SGCD: variants seen among roughly 807,000 people sequenced by gnomAD.
SGCD encodes delta-sarcoglycan.
Under a neutral mutation model 36.6 loss-of-function variants are expected in SGCD, and 18 were observed. The observed-to-expected ratio is 0.49, with a 90% CI of 0.34 to 0.73. SGCD has a LOEUF of 0.73. SGCD is among the 30% of genes least tolerant of loss of function. SGCD has a pLI of 0.01. For synonymous variants in SGCD, 133 were observed against 130.6 expected (o/e 1.02, Z -0.12); for missense variants, 387 against 346.7 (o/e 1.12, Z -0.92).
At chr5:156,344,327 A>G (rs1768826580) in intron 2 of SGCD, among the ~76,000 whole-genome samples, 162 bp from the exon 3 acceptor site, 1 of 152,196 alleles carries the variant, frequency 6.6e-6, no homozygotes, top group Non-Finnish European at 1.5e-5. Flanking sequence ...CAGAGAAGTC[A>G]CTTTTGTCCA....
chr5:155,869,308 A>G (rs916469797), upstream of SGCD, among the ~76,000 whole-genome samples: 1 of 152,142 alleles, frequency 6.6e-6, no homozygotes, highest in Non-Finnish European at 1.5e-5. Flanking sequence ...AGGTTCAAAG[A>G]TATTGTTGTA....
At chr5:156,538,338 A>T (rs1280940558) in intron 4 of SGCD, among the ~76,000 whole-genome samples, 1 of 152,090 alleles carries the variant, frequency 6.6e-6, no homozygotes, top group Non-Finnish European at 1.5e-5. Flanking sequence ...CTTGTTTTTG[A>T]TACCTTTCTT....
chr5:156,193,710 G>A (rs1172894212), intron 3 of SGCD, among the ~76,000 whole-genome samples: 1 of 152,058 alleles, frequency 6.6e-6, no homozygotes, highest in Non-Finnish European at 1.5e-5. Context: ...CCCACTCAGA[G>A]AGATGGAACT....
At chr5:156,211,945 C>T (rs776121706) in intron 3 of SGCD, among the ~76,000 whole-genome samples, 1 of 151,970 alleles carries the variant, frequency 6.6e-6, no homozygotes, top group Non-Finnish European at 1.5e-5. Flanking sequence ...TTAAAATAGC[C>T]TGTTATAATT....
At chr5:156,118,006 G>A (rs138999297) in intron 2 of SGCD, 3 of 152,144 alleles carry the variant, frequency 2.0e-5, no homozygotes, top group South Asian at 2.1e-4. Flanking sequence ...TTAAAAAATT[G>A]TGTTGGGTAT....
intron 3 of SGCD, among the ~76,000 whole-genome samples, chr5:156,198,657 T>TTGGTTA (rs1764077079): frequency 6.6e-6 from 1 of 152,052 alleles, no homozygotes; most frequent in Non-Finnish European, 1.5e-5. Context: ...TTTCCCTTAG[T>TTGGTTA]TGGTTATTAA....
intron 3 of SGCD, among the ~76,000 whole-genome samples, chr5:156,445,696 A>G (rs1209771519): frequency 6.6e-6 from 1 of 152,174 alleles, no homozygotes. Flanking sequence ...AAATGACATC[A>G]TAACAGTATC....
At chr5:156,216,983 C>G (rs937212270) in intron 3 of SGCD, among the ~76,000 whole-genome samples, 3 of 152,118 alleles carry the variant, frequency 2.0e-5, no homozygotes, top group Admixed American at 6.5e-5. Context: ...GAGGTTGAGG[C>G]AGGAGAAACA....
At position 155,880,965 on chromosome 5, in the gene SGCD, T is replaced by C. The variant is rs142690588; in HGVS notation, c.-282+10541T>C. 4.0e-3 allele frequency among the ~76,000 whole-genome samples: 608 copies of C among 152,266 alleles called. 5 individuals are homozygous for C. The highest frequency in any genetic ancestry group is 0.014 in the African/African-American group (578 of 41,558). On this transcript the variant is annotated intron_variant, in intron 1 of 9. Transcript: ENST00000517913. The stretch of plus-strand genomic sequence containing the variant: ...TTCTTAGAATGAAAACAATCACCTA[T>C]GTTATTTCTTATAGAAGTTCATATT...
chr5:156,595,152 A>G (rs1209651412), intron 6 of SGCD, 101 bp downstream of exon 6: 15 of 1,327,690 alleles, frequency 1.1e-5, no homozygotes, highest in African/African-American at 1.5e-5. Context: ...CCCAAAATTC[A>G]TATATCGAAA....
At chr5:156,225,473 G>A (rs1764827547) in intron 3 of SGCD, among the ~76,000 whole-genome samples, 1 of 152,038 alleles carries the variant, frequency 6.6e-6, no homozygotes, top group Non-Finnish European at 1.5e-5. Flanking sequence ...TTGAGGCCAT[G>A]CACGCTGCCA....
intron 3 of SGCD, among the ~76,000 whole-genome samples, chr5:156,256,701 G>C (rs1765725165): frequency 6.6e-6 from 1 of 152,134 alleles, no homozygotes; most frequent in African/African-American, 2.4e-5. Context: ...TTGCTAGATT[G>C]TAGGGTAGAA....
At chr5:156,608,719 T>C (rs1004617061) in intron 6 of SGCD, among the ~76,000 whole-genome samples, 16 of 152,242 alleles carry the variant, frequency 1.1e-4, no homozygotes, top group African/African-American at 3.6e-4. Context: ...TTTATGAATC[T>C]GGGTGCTCCT....
At chr5:155,871,619 T>A (rs1755656347) in intron 1 of SGCD, among the ~76,000 whole-genome samples, 1 of 152,098 alleles carries the variant, frequency 6.6e-6, no homozygotes, top group Admixed American at 6.5e-5. Context: ...GAGGAGGAAT[T>A]GCTACTTTTT....
intron 3 of SGCD, among the ~76,000 whole-genome samples, chr5:156,239,591 AT>A (rs1421814882): frequency 6.6e-6 from 1 of 152,166 alleles, no homozygotes; most frequent in Admixed American, 6.5e-5. Flanking sequence ...ACAGAAAAAA[AT>A]ATTGTTTTCT....
At chr5:156,619,236 A>G (rs62380867) in intron 6 of SGCD, among the ~76,000 whole-genome samples, 6,646 of 152,218 alleles carry the variant, frequency 0.044, 209 homozygotes, top group Middle Eastern at 0.099. Context: ...CGTGTTAACC[A>G]GGATGGTCTC....
In SGCD at chr5:156,761,164, ACACT is replaced by A. The variant is rs1757492339; in HGVS notation, c.*1777_*1780del. 1 of 152,222 alleles carries A rather than the reference ACACT, an allele frequency of 6.6e-6. No individual in the cohort carries two copies. Among genetic ancestry groups the A allele is most frequent in the Non-Finnish European group, 1.5e-5 (1 of 68,034 alleles). The allele number at this position is 152,222 out of a possible 1,614,324, so 9.4% of individuals were successfully genotyped here. A position where few individuals can be genotyped will look rare whatever the true frequency, so the allele number is the denominator to read the frequency against. Reference sequence around the variant, plus strand: ...AAAAGATTTGATATTTTTTGAGATGACACTCAAGCATCAGGCTGAGATTTGCACA... The same window carrying A: ...AAAAGATTTGATATTTTTTGAGATGACAAGCATCAGGCTGAGATTTGCACA... On this transcript the variant is annotated 3_prime_UTR_variant, in exon 9 of 9. Coordinates refer to ENST00000337851, the MANE Select transcript of SGCD (RefSeq NM_000337.6).
At chr5:156,324,314 G>A (rs1239834078), upstream of SGCD, among the ~76,000 whole-genome samples, 1 of 152,126 alleles carries the variant, frequency 6.6e-6, no homozygotes, top group Admixed American at 6.5e-5. Context: ...TCAGATAAAA[G>A]TCTCCAAGTT....
At chr5:156,098,679 C>T (rs554757167) in intron 1 of SGCD, among the ~76,000 whole-genome samples, 7 of 152,160 alleles carry the variant, frequency 4.6e-5, no homozygotes, top group South Asian at 4.2e-4. Context: ...CTTTCACAAT[C>T]TCCTCTTATA....
Sources: gnomAD v4.1 joint callset for allele counts (sites outside exome capture counted in the v4.1 genomes callset) on GRCh38, gnomAD v4.1.1 for gene constraint, MANE v1.5 for transcripts, NCBI Gene and HGNC (gene_info 2026-07-23, HGNC 2026-07-21) for gene names.